Variants in ZNF169 observed in about 807,000 individuals in gnomAD.
ZNF169 encodes the protein zinc finger protein 169.
In ZNF169, 11 loss-of-function variants were observed where a neutral mutation model predicts 12.0. The observed-to-expected ratio is 0.92, with a 90% CI of 0.58 to 1.52. The LOEUF (loss-of-function observed/expected upper bound fraction) is 1.52, where lower values mean the gene tolerates loss of function less well. Among genes scored for constraint, ZNF169 ranks in the 40% most tolerant of loss-of-function variants. The probability of loss-of-function intolerance (pLI) is 0.00; values close to 1 mark genes in which losing one functional copy is unlikely to be tolerated. For synonymous variants in ZNF169, 302 were observed against 286.5 expected (o/e 1.05, Z -0.55); for missense variants, 722 against 744.0 (o/e 0.97, Z 0.34).
chr9:94,278,276 G>C (rs1266973362), intron 1 of ZNF169, among the ~76,000 whole-genome samples: 1 of 152,140 alleles, frequency 6.6e-6, no homozygotes, highest in Admixed American at 6.6e-5. Flanking sequence ...TGGAGGGAAG[G>C]GTGCAGCCAG....
chr9:94,300,668 G>A lies in ZNF169; in HGVS notation c.1110G>A (p.Gly370=), dbSNP rs548187177. 3.1e-6 allele frequency: 5 copies of A among 1,614,052 alleles called. No homozygotes were observed. In the East Asian group the frequency reaches 8.9e-5, roughly 29 times the overall value. The part of the protein sequence containing the change: ...SLLQHQSSHT[G]ERPFLCLECG... ...TCCAGCACCAGAGCTCACACACAGGGGAGAGGCCCTTCCTGTGCCTTGAGT... is the reference window on the plus strand; with the variant it reads ...TCCAGCACCAGAGCTCACACACAGGAGAGAGGCCCTTCCTGTGCCTTGAGT... Residue 370 remains glycine, a synonymous_variant, in exon 5 of 5, where the codon GGG becomes GGA. Transcript: ENST00000395395.
intron 2 of ZNF169, among the ~76,000 whole-genome samples, chr9:94,282,970 C>A (rs1830666768): frequency 6.6e-6 from 1 of 152,142 alleles, no homozygotes; most frequent in African/African-American, 2.4e-5. Flanking sequence ...AACCTCATAC[C>A]CATTAGGAGT....
Position 94,300,317 on chromosome 9 carries a change from G to A in ZNF169, c.759G>A (p.Gln253=), listed in dbSNP as rs1314669072. The change falls in exon 5 of 5, where the codon CAG becomes CAA. Residue 253 remains glutamine, a synonymous_variant. Coordinates refer to ENST00000395395, the MANE Select transcript of ZNF169 (RefSeq NM_194320.4). ...AGAGATCAGACCTTATCAAGCACCA[G>A]AGGACACACACCGGGGAGAAGCCAT... is the stretch of plus-strand genomic sequence containing the variant. ...FCQRSDLIKH[Q]RTHTGEKPYL... The A allele has an allele frequency of 1.2e-6, 2 of 1,614,218 alleles. No individual in the cohort carries two copies. Among genetic ancestry groups the A allele is most frequent in the Non-Finnish European group, 1.7e-6 (2 of 1,180,044 alleles).
intron 2 of ZNF169, chr9:94,287,704 C>G: frequency 1.7e-5 from 20 of 1,209,112 alleles, no homozygotes; most frequent in Non-Finnish European, 2.1e-5. Context: ...TTCATTTATG[C>G]TTGAAATTCT....
chr9:94,283,255 A>G (rs1194998387), intron 2 of ZNF169, among the ~76,000 whole-genome samples: 2 of 152,138 alleles, frequency 1.3e-5, no homozygotes, highest in Non-Finnish European at 2.9e-5. Flanking sequence ...CTAAAAACAC[A>G]AAAATTAGCT....
intron 1 of ZNF169, among the ~76,000 whole-genome samples, chr9:94,266,771 G>A (rs1830299931): frequency 6.6e-6 from 1 of 152,154 alleles, no homozygotes; most frequent in African/African-American, 2.4e-5. Context: ...CAGGTGTACT[G>A]TAGTTTTTGA....
intron 4 of ZNF169, chr9:94,299,545 A>G (rs1831012938): frequency 1.5e-6 from 2 of 1,339,660 alleles, no homozygotes; most frequent in Non-Finnish European, 1.9e-6. Flanking sequence ...AAAGCAAGGG[A>G]GCGGCGCCCA....
chr9:94,300,641 C>T lies in ZNF169; in HGVS notation c.1083C>T (p.Leu361=), dbSNP rs187190486. Residue 361 remains leucine (L), a synonymous_variant, in exon 5 of 5, where the codon CTC becomes CTT. Transcript: ENST00000395395. ...CGRGFCQKAS[L]LQHQSSHTGE... is the part of the protein sequence containing the mutation. ...GAGGCTTTTGCCAGAAGGCATCACT[C>T]CTCCAGCACCAGAGCTCACACACAG... 4.3e-6 allele frequency: 7 copies of T among 1,614,126 alleles called. No individual in the cohort carries two copies. In the East Asian group the frequency reaches 1.1e-4, roughly 26 times the overall value.
At chr9:94,281,666 T>C (rs1194707741) in intron 2 of ZNF169, among the ~76,000 whole-genome samples, 1 of 152,158 alleles carries the variant, frequency 6.6e-6, no homozygotes, top group Admixed American at 6.5e-5. Context: ...TTTATATATT[T>C]TGGGGAGGCA....
chr9:94,283,212 C>T (rs1830670573), intron 2 of ZNF169, among the ~76,000 whole-genome samples: 1 of 152,032 alleles, frequency 6.6e-6, no homozygotes, highest in African/African-American at 2.4e-5. Context: ...AGATCGAGAC[C>T]ATCCTGGCTA....
At chr9:94,260,408 G>A (rs898037584) in intron 1 of ZNF169, among the ~76,000 whole-genome samples, 11 of 152,248 alleles carry the variant, frequency 7.2e-5, no homozygotes, top group African/African-American at 2.6e-4. Flanking sequence ...TGGTGATGGT[G>A]CAGCTTGGCC....
At chr9:94,259,923 A>G (rs1830169196) in intron 1 of ZNF169, among the ~76,000 whole-genome samples, 1 of 152,084 alleles carries the variant, frequency 6.6e-6, no homozygotes, top group East Asian at 1.9e-4. Context: ...TTTTTGAAAC[A>G]GAGTCTCTCT....
rs1233977655 is a variant in ZNF169, at chr9:94,293,102, A to G, written c.256+33A>G. On this transcript the variant is annotated intron_variant, in intron 4 of 4. Coordinates refer to ENST00000395395, the MANE Select transcript of ZNF169 (RefSeq NM_194320.4). ...GGAAGCCCTGGGCAAGCGAGGGTGC[A>G]GGGCAGTGAGGAGCTCAGCAGGTAA... The G allele has an allele frequency of 1.5e-5, 24 of 1,576,228 alleles. No individual in the cohort carries two copies. The Admixed American group carries it at 3.7e-4, about 25-fold the overall frequency.
chr9:94,279,554 C>T (rs1351694091), intron 2 of ZNF169, among the ~76,000 whole-genome samples: 3 of 151,412 alleles, frequency 2.0e-5, no homozygotes, highest in Non-Finnish European at 2.9e-5. Context: ...GCAAGAGAAT[C>T]GCTTGAGCCC....
chr9:94,290,303 G>A (rs1830803773), intron 2 of ZNF169, among the ~76,000 whole-genome samples: 2 of 152,134 alleles, frequency 1.3e-5, no homozygotes, highest in Admixed American at 6.5e-5. Context: ...ACAATTCAGT[G>A]GCATTAAGTA....
At chr9:94,278,876 C>A in intron 2 of ZNF169, 31 bp downstream of exon 2, 1 of 1,610,742 alleles carries the variant, frequency 6.2e-7, no homozygotes, top group Middle Eastern at 1.7e-4. Context: ...CTAGCTATTG[C>A]AGGAAGGTTT....
intron 1 of ZNF169, among the ~76,000 whole-genome samples, chr9:94,260,126 C>G (rs1050016058): frequency 6.8e-6 from 1 of 147,188 alleles, no homozygotes; most frequent in Non-Finnish European, 1.5e-5. Flanking sequence ...GAGTTTCGCT[C>G]TTGTCGCCCA....
In ZNF169 at chr9:94,292,463, C is replaced by T. The variant is rs1830862303; in HGVS notation, c.156C>T (p.Ser52=). 1 of 1,613,672 alleles carries T rather than the reference C, an allele frequency of 6.2e-7. No individual in the cohort carries two copies. Among genetic ancestry groups the T allele is most frequent in the Non-Finnish European group, 8.5e-7 (1 of 1,179,782 alleles). ...VMLENYSHLV[S]LGIAFSKPKL... ...TGGAGAACTACAGCCATCTGGTCTC[C>T]CTGGGTAAGGCTGGCCTGTTTAAGG... Residue 52 remains serine, a synonymous_variant, in exon 3 of 5, where the codon TCC becomes TCT. Transcript: ENST00000395395.
chr9:94,299,976 A>G lies in ZNF169; in HGVS notation c.418A>G (p.Lys140Glu). ...AGAAGCTCCAAGATGCTCTAGTGAA[A>G]AAGGAGAAAGTGGAGAGACAGAAGG... ...QLEAPRCSSE[K>E]GESGETEGPD... Residue 140 changes from lysine to glutamate, a missense_variant, in exon 5 of 5, where the codon AAA becomes GAA. Coordinates refer to ENST00000395395, the MANE Select transcript of ZNF169 (RefSeq NM_194320.4). 1 of 1,614,158 alleles carries G rather than the reference A, an allele frequency of 6.2e-7. No homozygotes were observed. The highest frequency in any genetic ancestry group is 8.5e-7 in the Non-Finnish European group (1 of 1,180,040).
Sources: gnomAD v4.1 joint callset for allele counts (sites outside exome capture counted in the v4.1 genomes callset) on GRCh38, gnomAD v4.1.1 for gene constraint, MANE v1.5 for transcripts, NCBI Gene and HGNC (gene_info 2026-07-23, HGNC 2026-07-21) for gene names.